MICAL2: variants seen among roughly 807,000 people sequenced by gnomAD.
MICAL2 encodes [F-actin]-monooxygenase MICAL2.
In MICAL2, 77 loss-of-function variants were observed where a neutral mutation model predicts 127.3. The observed-to-expected ratio is 0.60, with a 90% CI of 0.50 to 0.73. The LOEUF (loss-of-function observed/expected upper bound fraction) is 0.73, where lower values mean the gene tolerates loss of function less well. Ranked by LOEUF, MICAL2 falls within the 30% of genes least tolerant of loss-of-function variation. The probability of loss-of-function intolerance (pLI) is 0.00; values close to 1 mark genes in which losing one functional copy is unlikely to be tolerated. For synonymous variants in MICAL2, 570 were observed against 551.1 expected, an observed-to-expected ratio of 1.03 and a Z score of -0.48; for missense variants, 1,351 against 1,434.4, an observed-to-expected ratio of 0.94 and a Z score of 0.94.
At chr11:12,240,848 T>C (rs1179924928) in intron 17 of MICAL2, among the ~76,000 whole-genome samples, 192 bp from the exon 18 acceptor site, 1 of 152,250 alleles carries the variant, frequency 6.6e-6, no homozygotes. Flanking sequence ...GCTGTTCACA[T>C]GGACAGGGAG....
At chr11:12,163,486 T>C (rs1158371333) in intron 3 of MICAL2, among the ~76,000 whole-genome samples, 1 of 152,188 alleles carries the variant, frequency 6.6e-6, no homozygotes. Flanking sequence ...GAGTCCACCA[T>C]GGGATATGCT....
At chr11:12,171,438 GT>G (rs543715063) in intron 3 of MICAL2, among the ~76,000 whole-genome samples, 2 of 152,116 alleles carry the variant, frequency 1.3e-5, no homozygotes, top group African/African-American at 4.8e-5. Context: ...GTTCTGCTTT[GT>G]TTTTTTCCCA....
At chr11:12,306,146 T>C (rs193282211) in intron 29 of MICAL2, among the ~76,000 whole-genome samples, 4 of 152,352 alleles carry the variant, frequency 2.6e-5, no homozygotes, top group East Asian at 3.9e-4. Flanking sequence ...AGGAGTTAGA[T>C]GAAGACGTAA....
At chr11:12,232,887 CAATT>C (rs1858489092) in intron 15 of MICAL2, among the ~76,000 whole-genome samples, 1 of 152,186 alleles carries the variant, frequency 6.6e-6, no homozygotes. Flanking sequence ...ATTCCAGAAA[CAATT>C]CAGTTTTAGA....
At chr11:12,194,395 T>C (rs1258940260) in intron 3 of MICAL2, among the ~76,000 whole-genome samples, 1 of 152,190 alleles carries the variant, frequency 6.6e-6, no homozygotes, top group African/African-American at 2.4e-5. Context: ...GCTATTATTA[T>C]TGCAGTGCGG....
intron 32 of MICAL2, among the ~76,000 whole-genome samples, chr11:12,343,957 A>AT (rs1363156512): frequency 6.6e-6 from 1 of 152,206 alleles, no homozygotes; most frequent in Non-Finnish European, 1.5e-5. Context: ...TGGATGTAGC[A>AT]TTACTCAATC....
intron 32 of MICAL2, among the ~76,000 whole-genome samples, chr11:12,330,568 G>C (rs76385833): frequency 0.044 from 6,619 of 152,128 alleles, 218 homozygotes; most frequent in Admixed American, 0.11. Flanking sequence ...GGGGGTGCGG[G>C]ATGGAGGGCA....
Position 12,227,130 on chromosome 11 carries a change from G to A in MICAL2, c.1994G>A (p.Arg665Gln), listed in dbSNP as rs772958911. The A allele has an allele frequency of 4.3e-6, 7 of 1,610,654 alleles. No individual in the cohort carries two copies. In the African/African-American group the frequency reaches 5.3e-5, roughly 12 times the overall value. Reference sequence around the variant, plus strand: ...ACATTTCCAAGGAAGAGGACTCCACGGGTAAGTTTTGGCCTGGTTTCGGTT... The same window carrying A: ...ACATTTCCAAGGAAGAGGACTCCACAGGTAAGTTTTGGCCTGGTTTCGGTT... ...NLTFPRKRTP[R>Q]VDGQTGENDM... The change falls in exon 15 of 28, where the codon CGG becomes CAG. Residue 665 changes from arginine to glutamine, a missense_variant and splice_region_variant. Physicochemically the swap from Arg to Gln is conservative, Grantham distance 43 (BLOSUM62 1). This residue lies in a region of MICAL2 where 752 missense variants were observed against 719.4 expected (regional missense o/e 1.05). Coordinates refer to ENST00000683283, the MANE Select transcript of MICAL2 (RefSeq NM_001282663.2).
chr11:12,289,553 CTTGTT>C (rs1208289877), downstream of MICAL2, among the ~76,000 whole-genome samples: 1 of 42,078 alleles, frequency 2.4e-5, no homozygotes, highest in Non-Finnish European at 8.0e-5. Flanking sequence ...CTGGGCACCT[CTTGTT>C]TTTTTTTGTT....
At chr11:12,111,858 G>C (rs1024429908) in intron 1 of MICAL2, among the ~76,000 whole-genome samples, 4 of 152,178 alleles carry the variant, frequency 2.6e-5, no homozygotes, top group African/African-American at 9.7e-5. Flanking sequence ...CCCCTCCCCA[G>C]TGGCAGTCGA....
At chr11:12,358,430 A>C in exon 35 of MICAL2, 1 of 1,614,184 alleles carries the variant, frequency 6.2e-7, no homozygotes, top group Non-Finnish European at 8.5e-7. Context: ...GAGGACCAGC[A>C]CTTTGAAAGC....
intron 9 of MICAL2, 119 bp from the exon 10 acceptor site, chr11:12,221,525 A>G: frequency 1.6e-6 from 1 of 634,504 alleles, no homozygotes; most frequent in Non-Finnish European, 2.8e-6. Flanking sequence ...CTGCCCTGTC[A>G]CCTCTCTGTC....
intron 29 of MICAL2, among the ~76,000 whole-genome samples, chr11:12,305,862 G>A (rs963066217): frequency 1.1e-4 from 17 of 152,226 alleles, no homozygotes; most frequent in Admixed American, 9.8e-4. Context: ...CAGGCATGTG[G>A]GGTTTTTTAA....
Position 12,164,921 on chromosome 11 carries a change from G to A in MICAL2, c.264+2502G>A, listed in dbSNP as rs1855294076. On this transcript the variant is annotated intron_variant, in intron 3 of 27. Coordinates refer to ENST00000683283, the MANE Select transcript of MICAL2 (RefSeq NM_001282663.2). ...AAGCCAAGGCAGGTGGATCACTTGAGGTCAGGAGTTCGAGATCAGCCTGGC... is the reference window on the plus strand; with the variant it reads ...AAGCCAAGGCAGGTGGATCACTTGAAGTCAGGAGTTCGAGATCAGCCTGGC... Among the ~76,000 whole-genome samples, 3 of 152,124 alleles carry A rather than the reference G, an allele frequency of 2.0e-5. No homozygotes were observed. In the South Asian group the frequency reaches 6.2e-4, roughly 31 times the overall value.
chr11:12,270,308 T>C (rs960937952), intron 24 of MICAL2, among the ~76,000 whole-genome samples: 2 of 152,196 alleles, frequency 1.3e-5, no homozygotes, highest in Admixed American at 1.3e-4. Context: ...TGGCTCTGTA[T>C]TGAAAAGGCG....
chr11:12,324,074 A>G, intron 31 of MICAL2: 1 of 1,607,628 alleles, frequency 6.2e-7, no homozygotes, highest in Non-Finnish European at 8.5e-7. Context: ...GGCTCAGGTC[A>G]GTAAATAAAC....
chr11:12,215,159 T>C lies in MICAL2; in HGVS notation c.848-1060T>C, dbSNP rs565319104. ...AAATACTTAAGCCACTCAATATAAA[T>C]GAGAGCAGGACATTGAGTGGGTTTT... On this transcript the variant is annotated intron_variant, in intron 7 of 27. Coordinates refer to ENST00000683283, the MANE Select transcript of MICAL2 (RefSeq NM_001282663.2). Among the ~76,000 whole-genome samples the C allele has an allele frequency of 7.9e-5, 12 of 152,328 alleles. No homozygotes were observed. The South Asian group carries it at 2.5e-3, about 32-fold the overall frequency.
chr11:12,110,974 G>A lies in MICAL2; in HGVS notation c.-149+248G>A, dbSNP rs896402909. ...CGCAATAAAAGCCTCCCACCGGCAC[G>A]CCGAACTACCTCTTACTCCGCTCCG... On this transcript the variant is annotated intron_variant, in intron 1 of 27. Transcript: ENST00000683283. This position sits in a 1 kb window ranked among gnomAD's most constrained non-coding sequence, Gnocchi z 4.5. 1.3e-5 allele frequency among the ~76,000 whole-genome samples: 2 copies of A among 152,156 alleles called. No homozygotes were observed. The highest frequency in any genetic ancestry group is 2.9e-5 in the Non-Finnish European group (2 of 68,020).
At chr11:12,192,114 A>T (rs1859251570) in intron 3 of MICAL2, among the ~76,000 whole-genome samples, 1 of 147,984 alleles carries the variant, frequency 6.8e-6, no homozygotes, top group Non-Finnish European at 1.5e-5. Context: ...ATTGGACAGC[A>T]TGATCTAAGC....
Sources: allele counts gnomAD v4.1 joint callset (sites outside exome capture counted in the v4.1 genomes callset), GRCh38; gene constraint gnomAD v4.1.1; regional missense constraint gnomAD v4.1.1; non-coding constraint Gnocchi (gnomAD v3.1); transcripts MANE v1.5; gene names NCBI Gene and HGNC (gene_info 2026-07-23, HGNC 2026-07-21).